Variants in TBC1D10B observed in about 807,000 individuals in gnomAD.
TBC1D10B encodes the protein TBC1 domain family member 10B.
Under a neutral mutation model 78.4 loss-of-function variants are expected in TBC1D10B, and 25 were observed. The ratio of observed to expected loss-of-function variants is 0.32; its 90% CI spans 0.23 to 0.45. The LOEUF (loss-of-function observed/expected upper bound fraction) is 0.45. Among genes scored for constraint, TBC1D10B ranks in the 20% least tolerant of loss-of-function variants. TBC1D10B has a pLI of 1.00. For synonymous variants in TBC1D10B, 517 were observed against 478.0 expected, an observed-to-expected ratio of 1.08 and a Z score of -1.06; for missense variants, 996 against 1,104.8, an observed-to-expected ratio of 0.90 and a Z score of 1.40.
chr16:30,358,471 G>A lies in TBC1D10B; in HGVS notation c.1900C>T (p.Arg634Trp), dbSNP rs374707659. Residue 634 changes from arginine (R) to tryptophan (W), a missense_variant, in exon 9 of 9, where the codon CGG becomes TGG. Transcript: ENST00000409939. ...TRGELQYRPSRRLHGSRAIHE... is the reference protein window; with the variant it reads ...TRGELQYRPSWRLHGSRAIHE... ...ATGGCCCGGGACCCATGCAGTCGCC[G>A]TGAGGGCCGATACTGCAGCTCCCCC... The A allele has an allele frequency of 8.1e-6, 13 of 1,595,440 alleles. No homozygotes were observed. The highest frequency in any genetic ancestry group is 7.0e-5 in the Admixed American group (4 of 57,258).
At position 30,369,177 on chromosome 16, in the gene TBC1D10B, C is replaced by T. The variant is rs2049662671; in HGVS notation, c.956+51G>A. 4.0e-6 allele frequency: 6 copies of T among 1,500,452 alleles called. No homozygotes were observed. The South Asian group carries it at 5.4e-5, about 13-fold the overall frequency. 92.9% of individuals were successfully genotyped at this position (1,500,452 alleles called of 1,614,324 possible). A position where few individuals can be genotyped will look rare whatever the true frequency, so the allele number is the denominator to read the frequency against. On this transcript the variant is annotated intron_variant, in intron 1 of 8. Transcript: ENST00000409939. This position sits in a 1 kb window ranked among gnomAD's most constrained non-coding sequence, Gnocchi z 4.3. ...TGTATCGTTTTCGTTTCGCCCTCCC[C>T]CAACCTTTGCTTCCCCGAGGCGGTC... is the stretch of plus-strand genomic sequence containing the variant.
chr16:30,364,421 A>T (rs968652062), intron 4 of TBC1D10B, among the ~76,000 whole-genome samples: 1 of 152,144 alleles, frequency 6.6e-6, no homozygotes, highest in Non-Finnish European at 1.5e-5. Flanking sequence ...AGCCTGGGCA[A>T]CAAAGGGAGA....
chr16:30,365,909 T>C lies in TBC1D10B; in HGVS notation c.957-315A>G, dbSNP rs2049632052. ...ATCCACGTCCTAGCTTTACCATTTATTCATTGTGTGACCTTGGGCAAATCA... is the reference window on the plus strand; with the variant it reads ...ATCCACGTCCTAGCTTTACCATTTACTCATTGTGTGACCTTGGGCAAATCA... On this transcript the variant is annotated intron_variant, in intron 1 of 8. Coordinates refer to ENST00000409939, the MANE Select transcript of TBC1D10B (RefSeq NM_015527.4). This position sits in a 1 kb window ranked among gnomAD's most constrained non-coding sequence, Gnocchi z 5.0. 3.0e-6 allele frequency: 1 copy of C among 330,762 alleles called. No homozygotes were observed. The highest frequency in any genetic ancestry group is 6.4e-5 in the East Asian group (1 of 15,622). 20.5% of individuals were successfully genotyped at this position (330,762 alleles called of 1,614,324 possible).
chr16:30,369,117 T>C lies in TBC1D10B; in HGVS notation c.956+111A>G, dbSNP rs2049661582. ...CTCGCGCTGATCACCCCGTGGATCC[T>C]CAGAGGAGGCTGGGCTGCCAGAGTC... On this transcript the variant is annotated intron_variant, in intron 1 of 8. Transcript: ENST00000409939. This position sits in a 1 kb window ranked among gnomAD's most constrained non-coding sequence, Gnocchi z 4.3. 3 of 1,172,816 alleles carry C rather than the reference T, an allele frequency of 2.6e-6. No individual in the cohort carries two copies. The highest frequency in any genetic ancestry group is 3.5e-6 in the Non-Finnish European group (3 of 849,342). The allele number at this position is 1,172,816 out of a possible 1,614,324, so 72.7% of individuals were successfully genotyped here.
In TBC1D10B at chr16:30,370,214, C is replaced by G; in HGVS notation, c.-31G>C. 1.8e-6 allele frequency: 2 copies of G among 1,100,644 alleles called. No homozygotes were observed. Among genetic ancestry groups the G allele is most frequent in the Non-Finnish European group, 2.2e-6 (2 of 893,342 alleles). 68.2% of individuals were successfully genotyped at this position (1,100,644 alleles called of 1,614,324 possible). Reference sequence around the variant, plus strand: ...CGGGCCGCCCCTCACATCCCCCCGCCGGGGAGGCCGCAGAAGGCGCCGCCC... The same window carrying G: ...CGGGCCGCCCCTCACATCCCCCCGCGGGGGAGGCCGCAGAAGGCGCCGCCC... On this transcript the variant is annotated 5_prime_UTR_variant, in exon 1 of 9. Transcript: ENST00000409939.
chr16:30,365,338 G>C lies in TBC1D10B; in HGVS notation c.1057-126C>G, dbSNP rs2049628356. 8.2e-7 allele frequency: 1 copy of C among 1,215,444 alleles called. No individual in the cohort carries two copies. Among genetic ancestry groups the C allele is most frequent in the Non-Finnish European group, 1.2e-6 (1 of 841,082 alleles). 75.3% of individuals were successfully genotyped at this position (1,215,444 alleles called of 1,614,324 possible). A position where few individuals can be genotyped will look rare whatever the true frequency, so the allele number is the denominator to read the frequency against. Reference sequence around the variant, plus strand: ...CATAGGCTTGATTCCACTGGACCTGGCCTGGACTTCTATTTTTAAAGCCAT... The same window carrying C: ...CATAGGCTTGATTCCACTGGACCTGCCCTGGACTTCTATTTTTAAAGCCAT... On this transcript the variant is annotated intron_variant, in intron 2 of 8. Coordinates refer to ENST00000409939, the MANE Select transcript of TBC1D10B (RefSeq NM_015527.4). The surrounding 1 kb of genome is among the most constrained non-coding windows in gnomAD (Gnocchi z 5.0).
Position 30,357,114 on chromosome 16 carries a change from G to A in TBC1D10B, c.*830C>T, listed in dbSNP as rs1418807711. 1 of 152,918 alleles carries A rather than the reference G, an allele frequency of 6.5e-6. No homozygotes were observed. Among genetic ancestry groups the A allele is most frequent in the Non-Finnish European group, 1.5e-5 (1 of 68,256 alleles). 9.5% of individuals were successfully genotyped at this position (152,918 alleles called of 1,614,324 possible). A position where few individuals can be genotyped will look rare whatever the true frequency, so the allele number is the denominator to read the frequency against. Reference sequence around the variant, plus strand: ...GCAGAAAACAGGCCCAGGTACAACAGCAGGTTCTTTTCCAATTCCTCAAAG... The same window carrying A: ...GCAGAAAACAGGCCCAGGTACAACAACAGGTTCTTTTCCAATTCCTCAAAG... On this transcript the variant is annotated 3_prime_UTR_variant, in exon 9 of 9. Transcript: ENST00000409939.
rs144362354 is a variant in TBC1D10B at position 30,365,534 on chromosome 16, G to C, written c.1017C>G (p.Phe339Leu). The C allele has an allele frequency of 2.0e-5, 32 of 1,613,856 alleles. No homozygotes were observed. Among genetic ancestry groups the C allele is most frequent in the Non-Finnish European group, 1.9e-5 (22 of 1,179,904 alleles). ...GTGACAGCCACTTATCCCAGTTACT[G>C]AACATGTCCAGCCATTTGAGCTCCC... ...RQRELKWLDM[F>L]SNWDKWLSRR... The change falls in exon 2 of 9, where the codon TTC (phenylalanine) becomes TTG (leucine). Residue 339 changes from phenylalanine (F) to leucine (L), a missense_variant. By Grantham distance (22) the Phe-to-Leu change is conservative. Coordinates refer to ENST00000409939, the MANE Select transcript of TBC1D10B (RefSeq NM_015527.4). This position sits in a 1 kb window ranked among gnomAD's most constrained non-coding sequence, Gnocchi z 5.0.
At chr16:30,359,890 T>A in intron 4 of TBC1D10B, 49 bp from the exon 5 acceptor site, 1 of 1,477,772 alleles carries the variant, frequency 6.8e-7, no homozygotes, top group Non-Finnish European at 9.2e-7. Context: ...CTGAGAGCTC[T>A]GTCCCCAAAC....
chr16:30,361,820 G>C (rs1003295614), intron 4 of TBC1D10B, among the ~76,000 whole-genome samples: 1 of 151,176 alleles, frequency 6.6e-6, no homozygotes, highest in Non-Finnish European at 1.5e-5. Flanking sequence ...CGAGTAACTG[G>C]GATTACAGGC....
intron 4 of TBC1D10B, among the ~76,000 whole-genome samples, chr16:30,361,544 C>T (rs2049598651): frequency 1.3e-5 from 2 of 151,982 alleles, no homozygotes; most frequent in African/African-American, 2.4e-5. Flanking sequence ...ATTCTCCTGC[C>T]TCAGCCTCCC....
At position 30,369,513 on chromosome 16, in the gene TBC1D10B, C is replaced by T. The variant is rs971391692; in HGVS notation, c.671G>A (p.Cys224Tyr). The part of the protein sequence containing the change: ...SGPGTGPSGT[C>Y]EAPVAVVTVT... ...GGTCACGACAGCTACCGGAGCCTCA[C>T]AAGTCCCAGAGGGGCCTGTGCCAGG... Residue 224 changes from cysteine to tyrosine, a missense_variant, in exon 1 of 9, where the codon TGT (cysteine) becomes TAT (tyrosine). Transcript: ENST00000409939. This position sits in a 1 kb window ranked among gnomAD's most constrained non-coding sequence, Gnocchi z 4.3. 3.9e-6 allele frequency: 6 copies of T among 1,551,028 alleles called. No individual in the cohort carries two copies. The East Asian group carries it at 7.3e-5, about 19-fold the overall frequency.
Position 30,370,176 on chromosome 16 carries a change from G to T in TBC1D10B, c.8C>A (p.Thr3Lys). 1.7e-6 allele frequency: 2 copies of T among 1,172,396 alleles called. No homozygotes were observed. The highest frequency in any genetic ancestry group is 2.1e-6 in the Non-Finnish European group (2 of 949,534). 72.6% of individuals were successfully genotyped at this position (1,172,396 alleles called of 1,614,324 possible). The change falls in exon 1 of 9, where the codon ACG (threonine) becomes AAG (lysine). Residue 3 changes from threonine (T) to lysine (K), a missense_variant. Transcript: ENST00000409939. The part of the protein sequence containing the change: ME[T>K]GTAPLVAPPR... Reference sequence around the variant, plus strand: ...CGGGGCCACCAGGGGCGCCGTGCCCGTCTCCATGGCCGCGGGCCGCCCCTC... The same window carrying T: ...CGGGGCCACCAGGGGCGCCGTGCCCTTCTCCATGGCCGCGGGCCGCCCCTC...
intron 1 of TBC1D10B, among the ~76,000 whole-genome samples, chr16:30,368,471 C>G (rs2049654364): frequency 1.3e-5 from 2 of 152,280 alleles, no homozygotes; most frequent in South Asian, 2.1e-4. Flanking sequence ...TGTAGGCTGA[C>G]TGGCCCAGCA....
rs996972651 is a variant in TBC1D10B, at chr16:30,357,721, C to A, written c.*223G>T. 3.0e-6 allele frequency: 2 copies of A among 663,436 alleles called. No individual in the cohort carries two copies. The highest frequency in any genetic ancestry group is 2.8e-5 in the East Asian group (1 of 36,310). The allele number at this position is 663,436 out of a possible 1,614,324, so 41.1% of individuals were successfully genotyped here. A position where few individuals can be genotyped will look rare whatever the true frequency, so the allele number is the denominator to read the frequency against. On this transcript the variant is annotated 3_prime_UTR_variant, in exon 9 of 9. Coordinates refer to ENST00000409939, the MANE Select transcript of TBC1D10B (RefSeq NM_015527.4). Reference sequence around the variant, plus strand: ...GGAACTGGGGCAGGAGCGACAGAGACCCCAGCTGAGCCTCATGGGAGATGA... The same window carrying A: ...GGAACTGGGGCAGGAGCGACAGAGAACCCAGCTGAGCCTCATGGGAGATGA...
At chr16:30,361,593 C>T (rs1293121887) in intron 4 of TBC1D10B, among the ~76,000 whole-genome samples, 3 of 151,938 alleles carry the variant, frequency 2.0e-5, no homozygotes, top group Non-Finnish European at 2.9e-5. Context: ...TTAGTAGAGA[C>T]GGGGTTTCTC....
rs1360439895 is a variant in TBC1D10B, at chr16:30,358,358, C to G, written c.2013G>C (p.Arg671=). ...SLPGLKSRGS[R]AAGGAPSPPP... is the part of the protein sequence containing the mutation. ...GCGGGGACGGGGCCCCTCCAGCTGC[C>G]CGGGAGCCTCGGCTCTTGAGGCCAG... Residue 671 remains arginine (R), a synonymous_variant, in exon 9 of 9, where the codon CGG becomes CGC. Transcript: ENST00000409939. 1 of 1,558,806 alleles carries G rather than the reference C, an allele frequency of 6.4e-7. No homozygotes were observed. Among genetic ancestry groups the G allele is most frequent in the African/African-American group, 1.4e-5 (1 of 73,414 alleles).
chr16:30,358,200 T>C lies in TBC1D10B; in HGVS notation c.2171A>G (p.Gln724Arg). 6.4e-7 allele frequency: 1 copy of C among 1,552,834 alleles called. No homozygotes were observed. The highest frequency in any genetic ancestry group is 1.2e-5 in the South Asian group (1 of 84,088). The change falls in exon 9 of 9, where the codon CAG becomes CGG. Residue 724 changes from glutamine (Q) to arginine (R), a missense_variant. Around this residue, in one of 5 missense-constraint regions of TBC1D10B, gnomAD observed 285 missense variants for 252.5 expected, o/e 1.13. Coordinates refer to ENST00000409939, the MANE Select transcript of TBC1D10B (RefSeq NM_015527.4). ...CTCCTGTTTCTGCCGCTCCTTCTCC[T>C]GCTTCCGGGTCTCCTTGCTGGAACC... is the stretch of plus-strand genomic sequence containing the variant. ...PLGSSKETRKQEKERQKQEKE... is the reference protein window; with the variant it reads ...PLGSSKETRKREKERQKQEKE...
chr16:30,360,342 G>C (rs1163945850), intron 4 of TBC1D10B: 3 of 160,690 alleles, frequency 1.9e-5, no homozygotes, highest in African/African-American at 7.2e-5. Context: ...CTCTTCTTGA[G>C]GGTGCCCCAC....
Sources: allele counts gnomAD v4.1 joint callset (sites outside exome capture counted in the v4.1 genomes callset), GRCh38; gene constraint gnomAD v4.1.1; regional missense constraint gnomAD v4.1.1; non-coding constraint Gnocchi (gnomAD v3.1); transcripts MANE v1.5; gene names NCBI Gene and HGNC (gene_info 2026-07-23, HGNC 2026-07-21).